SH3TC1: variants seen among roughly 807,000 people sequenced by gnomAD.
The protein encoded by SH3TC1 is SH3 domain and tetratricopeptide repeats 1, also known as SH3 domain and tetratricopeptide repeat-containing protein 1.
A neutral mutation model predicts 117.3 loss-of-function variants in SH3TC1; 135 were observed. The observed-to-expected ratio is 1.15, with a 90% confidence interval of 1.00 to 1.33. SH3TC1 has a LOEUF of 1.33. Ranked by LOEUF, SH3TC1 falls within the 40% of genes most tolerant of loss-of-function variation. The probability of loss-of-function intolerance (pLI) is 0.00; values close to 1 mark genes in which losing one functional copy is unlikely to be tolerated. For missense variants in SH3TC1, 2,092 were observed against 1,794.3 expected (o/e 1.17, Z -3.00); for synonymous variants, 898 against 816.9 (o/e 1.10, Z -1.69).
At chr4:8,213,025 TG>T in intron 4 of SH3TC1, 197 bp downstream of exon 4, 1 of 672,458 alleles carries the variant, frequency 1.5e-6, no homozygotes, top group Non-Finnish European at 2.4e-6. Flanking sequence ...ACTTGCTTTG[TG>T]GAGGGCACTG....
At chr4:8,236,567 C>A (rs1164066130) in intron 16 of SH3TC1, 139 bp downstream of exon 16, 1 of 1,216,458 alleles carries the variant, frequency 8.2e-7, no homozygotes, top group Middle Eastern at 2.9e-4. Context: ...CCAGCTGGCT[C>A]CCCCGTCCGG....
At chr4:8,204,418 C>A (rs1718031227) in intron 1 of SH3TC1, among the ~76,000 whole-genome samples, 1 of 152,214 alleles carries the variant, frequency 6.6e-6, no homozygotes, top group Non-Finnish European at 1.5e-5. Flanking sequence ...CCTTTTCCTT[C>A]CTCTGCATCC....
In SH3TC1 at chr4:8,228,400, G is replaced by A. The variant is rs1326254156; in HGVS notation, c.2706G>A (p.Gln902=). The change falls in exon 12 of 18, where the codon CAG becomes CAA. Residue 902 remains glutamine (Q), a synonymous_variant. Transcript: ENST00000245105. ...GGGACCTGGGCCAGCAAAGGAACCA[G>A]GCAGTGGGGCTGGCCAACTTCGGGG... ...VARDLGQQRN[Q]AVGLANFGAL... The A allele has an allele frequency of 6.2e-7, 1 of 1,609,444 alleles. No homozygotes were observed. Among genetic ancestry groups the A allele is most frequent in the African/African-American group, 1.3e-5 (1 of 74,922 alleles).
At position 8,205,166 on chromosome 4, in the gene SH3TC1, G is replaced by C; in HGVS notation, c.-28-1G>C. The C allele has an allele frequency of 1.4e-6, 2 of 1,481,418 alleles. No individual in the cohort carries two copies. Among genetic ancestry groups the C allele is most frequent in the Non-Finnish European group, 1.8e-6 (2 of 1,115,488 alleles). 91.8% of individuals were successfully genotyped at this position (1,481,418 alleles called of 1,614,324 possible). A position where few individuals can be genotyped will look rare whatever the true frequency, so the allele number is the denominator to read the frequency against. ...CCTGACCACACCCCCTCTGTCCACA[G>C]GGCCAGGCATGTGAGGTCTCTGCGG... On this transcript the variant is annotated splice_acceptor_variant, in intron 1 of 17. Coordinates refer to ENST00000245105, the MANE Select transcript of SH3TC1 (RefSeq NM_018986.5). LOFTEE classifies it low-confidence loss of function (5UTR_SPLICE). The surrounding 1 kb of genome is among the most constrained non-coding windows in gnomAD (Gnocchi z 5.4).
Position 8,214,357 on chromosome 4 carries a change from G to A in SH3TC1, c.376-118G>A, listed in dbSNP as rs780097498. 7 of 851,022 alleles carry A rather than the reference G, an allele frequency of 8.2e-6. No homozygotes were observed. The East Asian group carries it at 1.1e-4, about 13-fold the overall frequency. 52.7% of individuals were successfully genotyped at this position (851,022 alleles called of 1,614,324 possible). ...GGCTGTGAAGGAATCTGCCCTGGGT[G>A]TGTCGTCCCCCGCCGGGGCCACATC... On this transcript the variant is annotated intron_variant, in intron 4 of 17. Coordinates refer to ENST00000245105, the MANE Select transcript of SH3TC1 (RefSeq NM_018986.5).
chr4:8,237,097 G>C (rs1283185302), intron 16 of SH3TC1: 4 of 222,934 alleles, frequency 1.8e-5, no homozygotes. Flanking sequence ...CAAGGTAGGG[G>C]ACTCTGATGA....
In SH3TC1 at chr4:8,228,518, G is replaced by A. The variant is rs201915680; in HGVS notation, c.2824G>A (p.Gly942Ser). 2.3e-4 allele frequency: 373 copies of A among 1,611,516 alleles called. No individual in the cohort carries two copies. Among genetic ancestry groups the A allele is most frequent in the Non-Finnish European group, 2.6e-4 (307 of 1,179,570 alleles). ...CTCGAGGCTGCCCCTTGGGGAGTGT[G>A]GCCGGGACTTCACCCACGTGCTCCT... ...LFSRLPLGEC[G>S]RDFTHVLLQL... The change falls in exon 12 of 18, where the codon GGC (glycine) becomes AGC (serine). Residue 942 changes from glycine (G) to serine (S), a missense_variant. Physicochemically the swap from Gly to Ser is moderately conservative, Grantham distance 56 (BLOSUM62 0). Transcript: ENST00000245105.
chr4:8,207,216 G>T (rs967393538), intron 2 of SH3TC1, among the ~76,000 whole-genome samples: 1 of 152,118 alleles, frequency 6.6e-6, no homozygotes, highest in African/African-American at 2.4e-5. Flanking sequence ...CCCTCGATTC[G>T]AGTGCAGCTA....
chr4:8,219,239 T>A, intron 8 of SH3TC1, 96 bp from the exon 9 acceptor site: 1 of 1,251,584 alleles, frequency 8.0e-7, no homozygotes, highest in Non-Finnish European at 1.1e-6. Context: ...AAAAGATGAA[T>A]TCCCCATGGT....
At chr4:8,235,036 G>C (rs985016780) in intron 14 of SH3TC1, among the ~76,000 whole-genome samples, 1 of 152,222 alleles carries the variant, frequency 6.6e-6, no homozygotes, top group African/African-American at 2.4e-5. Context: ...GCCAAGAGGG[G>C]ACCAGCCCAC....
At chr4:8,238,396 G>C (rs1023435647) in intron 17 of SH3TC1, among the ~76,000 whole-genome samples, 2 of 152,192 alleles carry the variant, frequency 1.3e-5, no homozygotes, top group African/African-American at 4.8e-5. Flanking sequence ...GGCAGACTCG[G>C]ATCTGGGATG....
chr4:8,204,015 G>T (rs911000135), intron 1 of SH3TC1, among the ~76,000 whole-genome samples: 1 of 152,200 alleles, frequency 6.6e-6, no homozygotes, highest in Non-Finnish European at 1.5e-5. Context: ...AGGCCCGGAC[G>T]GAGGCCCTGG....
chr4:8,195,838 G>T (rs921588252), upstream of SH3TC1, among the ~76,000 whole-genome samples: 1 of 152,252 alleles, frequency 6.6e-6, no homozygotes, highest in Non-Finnish European at 1.5e-5. Context: ...GCCCAGAGAA[G>T]GAGGTGCCAC....
rs1460720208 is a variant in SH3TC1, at chr4:8,183,574, C to T, written c.-57+1364C>T. 3.3e-5 allele frequency among the ~76,000 whole-genome samples: 5 copies of T among 152,248 alleles called. No homozygotes were observed. On this transcript the variant is annotated intron_variant, in intron 1 of 16. Transcript: ENST00000508641. This position sits in a 1 kb window ranked among gnomAD's most constrained non-coding sequence, Gnocchi z 5.4. ...CCTTAAAAGTTCATCAAACTTGTTCCACCCTACAGGGACTTTTTGTTTGTT... is the reference window on the plus strand; with the variant it reads ...CCTTAAAAGTTCATCAAACTTGTTCTACCCTACAGGGACTTTTTGTTTGTT...
rs576923967 is a variant in SH3TC1 at position 8,227,065 on chromosome 4, A to G, written c.1371A>G (p.Pro457=). 8 of 1,609,088 alleles carry G rather than the reference A, an allele frequency of 5.0e-6. No homozygotes were observed. The highest frequency in any genetic ancestry group is 1.1e-5 in the South Asian group (1 of 90,712). ...KNVLEQCKTC[P]GCPQEPASWG... ...TTCTGGAACAATGCAAGACCTGCCCAGGCTGCCCCCAGGAGCCAGCGTCCT... is the reference window on the plus strand; with the variant it reads ...TTCTGGAACAATGCAAGACCTGCCCGGGCTGCCCCCAGGAGCCAGCGTCCT... Residue 457 remains proline, a synonymous_variant, in exon 12 of 18, where the codon CCA becomes CCG. Coordinates refer to ENST00000245105, the MANE Select transcript of SH3TC1 (RefSeq NM_018986.5).
rs544734341 is a variant in SH3TC1 at position 8,210,515 on chromosome 4, T to G, written c.247+693T>G. On this transcript the variant is annotated intron_variant, in intron 3 of 17. Transcript: ENST00000245105. This position sits in a 1 kb window ranked among gnomAD's most constrained non-coding sequence, Gnocchi z 4.1. The stretch of plus-strand genomic sequence containing the variant: ...GGCTGGGCGCGGTGGCTCACGCCTG[T>G]AATCCCAGCACTTTGGGAGGCCGAG... Among the ~76,000 whole-genome samples, 1 of 152,300 alleles carries G rather than the reference T, an allele frequency of 6.6e-6. No homozygotes were observed. The highest frequency in any genetic ancestry group is 1.9e-4 in the East Asian group (1 of 5,178).
At chr4:8,187,462 G>A (rs1285655284) in intron 1 of SH3TC1, among the ~76,000 whole-genome samples, 1 of 152,102 alleles carries the variant, frequency 6.6e-6, no homozygotes, top group South Asian at 2.1e-4. Context: ...TGCCCGGGGG[G>A]GTCTGTCTGT....
Position 8,214,479 on chromosome 4 carries a change from T to C in SH3TC1, c.380T>C (p.Leu127Ser). The change falls in exon 5 of 18, where the codon TTA (leucine) becomes TCA (serine). Residue 127 changes from leucine to serine, a missense_variant. Transcript: ENST00000245105. ...TTCCTATTTCTTTCTCTTAAGGAAT[T>C]ATCAGCCAGGCTGCTGTCCATCCAC... Reference protein sequence around the residue: ...SREMARVLGELSARLLSIHSD... With the variant: ...SREMARVLGESSARLLSIHSD... 1.2e-6 allele frequency: 2 copies of C among 1,613,852 alleles called. No individual in the cohort carries two copies. The highest frequency in any genetic ancestry group is 1.7e-6 in the Non-Finnish European group (2 of 1,179,896).
At chr4:8,182,303 A>T (rs1717101853) in intron 1 of SH3TC1, 1 of 152,234 alleles carries the variant, frequency 6.6e-6, no homozygotes, top group African/African-American at 2.4e-5. Context: ...TCACCTGTCG[A>T]GACAGGTGAG....
Sources: allele counts gnomAD v4.1 joint callset (sites outside exome capture counted in the v4.1 genomes callset), GRCh38; gene constraint gnomAD v4.1.1; non-coding constraint Gnocchi (gnomAD v3.1); transcripts MANE v1.5; gene names NCBI Gene and HGNC (gene_info 2026-07-23, HGNC 2026-07-21).